CPT1A: variants seen among roughly 807,000 people sequenced by gnomAD.
The protein encoded by CPT1A is carnitine palmitoyltransferase 1A.
CPT1A carries 64 observed loss-of-function variants against 100.8 expected under a neutral mutation model. That is an observed-to-expected ratio of 0.63 (90% confidence interval 0.52 to 0.78). The LOEUF (loss-of-function observed/expected upper bound fraction) is 0.78. Ranked by LOEUF, CPT1A falls within the 30% of genes least tolerant of loss-of-function variation. The pLI is 0.00. For missense variants in CPT1A, 802 were observed against 1,034.1 expected, an observed-to-expected ratio of 0.78 and a Z score of 3.08; for synonymous variants, 363 against 396.0, an observed-to-expected ratio of 0.92 and a Z score of 0.99.
chr11:68,824,776 T>C (rs1226206610), intron 1 of CPT1A, among the ~76,000 whole-genome samples: 2 of 149,818 alleles, frequency 1.3e-5, no homozygotes, highest in Non-Finnish European at 3.0e-5. Flanking sequence ...CCTAACATAT[T>C]GCTACATGCA....
At chr11:68,759,744 C>T in intron 17 of CPT1A, 83 bp from the exon 18 acceptor site, 8 of 1,027,952 alleles carry the variant, frequency 7.8e-6, no homozygotes, top group South Asian at 7.8e-5. Context: ...AAATGCAACA[C>T]TGGCGGGGCT....
intron 1 of CPT1A, among the ~76,000 whole-genome samples, chr11:68,816,173 T>TCCACGAAGGAGC: frequency 6.6e-6 from 1 of 151,864 alleles, no homozygotes; most frequent in East Asian, 1.9e-4. Flanking sequence ...CACGCAGGAG[T>TCCACGAAGGAGC]CCACGAAGGA....
intron 2 of CPT1A, among the ~76,000 whole-genome samples, chr11:68,813,296 T>C (rs966315041): frequency 6.6e-6 from 1 of 151,912 alleles, no homozygotes; most frequent in African/African-American, 2.4e-5. Context: ...TTTGGGAGGC[T>C]GAGGCAGGCC....
chr11:68,829,110 G>A (rs11228372), intron 1 of CPT1A, among the ~76,000 whole-genome samples: 64,168 of 151,954 alleles, frequency 0.42, 15,725 homozygotes, highest in Admixed American at 0.6. Context: ...TACTGAGAAC[G>A]CCGGCACCTG....
At chr11:68,791,672 G>A (rs770290269) in intron 9 of CPT1A, among the ~76,000 whole-genome samples, 18 of 152,128 alleles carry the variant, frequency 1.2e-4, no homozygotes, top group Non-Finnish European at 2.6e-4. Context: ...AAGTAGCTGG[G>A]ATTACGGGTG....
At chr11:68,843,409 G>A (rs1857196318), upstream of CPT1A, among the ~76,000 whole-genome samples, 1 of 149,424 alleles carries the variant, frequency 6.7e-6, no homozygotes, top group African/African-American at 2.5e-5. This position sits in a 1 kb window ranked among gnomAD's most constrained non-coding sequence, Gnocchi z 4.0. Flanking sequence ...TGCGTTGGCC[G>A]TCGATGTACC....
In CPT1A at chr11:68,836,850, G is replaced by GGGAAGGAA. The variant is rs150561761; in HGVS notation, c.-14+4917_-14+4924dup. 6.2e-3 allele frequency among the ~76,000 whole-genome samples: 934 copies of GGGAAGGAA among 150,726 alleles called. 5 individuals are homozygous for GGGAAGGAA. The highest frequency in any genetic ancestry group is 0.017 in the African/African-American group (693 of 40,974). On this transcript the variant is annotated intron_variant, in intron 1 of 18. Coordinates refer to ENST00000265641, the MANE Select transcript of CPT1A (RefSeq NM_001876.4). ...GAAACAAAATCTCCAAGAAAAGAAA[G>GGGAAGGAA]GGAAGGAAGGAAGGAAGGAAGGAAG...
chr11:68,781,971 A>T lies in CPT1A; in HGVS notation c.1164-12T>A, dbSNP rs1855325049. The T allele has an allele frequency of 6.2e-7, 1 of 1,613,700 alleles. No individual in the cohort carries two copies. Reference sequence around the variant, plus strand: ...TGGCCCAGGGAACTCTGCAGTGAAGATGAAATACGATTAAAGGCAGCCCGA... The same window carrying T: ...TGGCCCAGGGAACTCTGCAGTGAAGTTGAAATACGATTAAAGGCAGCCCGA... On this transcript the variant is annotated splice_polypyrimidine_tract_variant and intron_variant, in intron 10 of 18. Transcript: ENST00000265641.
At chr11:68,797,850 T>C (rs4930612) in intron 6 of CPT1A, among the ~76,000 whole-genome samples, 143,308 of 152,044 alleles carry the variant, frequency 0.94, 67,751 homozygotes, top group Non-Finnish European at 0.98. Flanking sequence ...TGGTGGCGGG[T>C]GCCTGTAATC....
chr11:68,815,220 A>G (rs1856350572), intron 2 of CPT1A, 114 bp downstream of exon 2: 1 of 1,047,790 alleles, frequency 9.5e-7, no homozygotes, highest in African/African-American at 1.6e-5. Flanking sequence ...CCATGGAAAC[A>G]GGTAAGTGAT....
chr11:68,785,996 C>A, intron 9 of CPT1A: 1 of 702,284 alleles, frequency 1.4e-6, no homozygotes, highest in South Asian at 1.5e-5. Context: ...AAGCACTGCT[C>A]AGTGGGGATG....
chr11:68,785,950 G>A, intron 9 of CPT1A: 1 of 697,650 alleles, frequency 1.4e-6, no homozygotes, highest in Non-Finnish European at 2.6e-6. Flanking sequence ...ATGTGATGAA[G>A]TACGTTCACT....
chr11:68,825,582 GCCCAACCCAAC>G (rs1856703770), intron 1 of CPT1A, among the ~76,000 whole-genome samples: 1 of 152,146 alleles, frequency 6.6e-6, no homozygotes, highest in Non-Finnish European at 1.5e-5. Context: ...CCACCTGCTT[GCCCAACCCAAC>G]AGGATTTTTA....
At chr11:68,831,237 C>T (rs1391223151) in intron 1 of CPT1A, among the ~76,000 whole-genome samples, 3 of 152,170 alleles carry the variant, frequency 2.0e-5, no homozygotes, top group Non-Finnish European at 4.4e-5. Flanking sequence ...AGACACTCAA[C>T]ACAGGTCCCT....
Position 68,768,198 on chromosome 11 carries a change from C to T in CPT1A, c.1740+5067G>A, listed in dbSNP as rs559229888. 1.3e-3 allele frequency among the ~76,000 whole-genome samples: 190 copies of T among 151,218 alleles called. 1 individual carries two copies. The East Asian group carries it at 0.034, about 27-fold the overall frequency. The stretch of plus-strand genomic sequence containing the variant: ...TCACGCCATTCTCCTGCCTCAGCCT[C>T]CCGAGTAGCTGGGAGTACAGGCGCC... On this transcript the variant is annotated intron_variant, in intron 14 of 18. Coordinates refer to ENST00000265641, the MANE Select transcript of CPT1A (RefSeq NM_001876.4).
rs1316913723 is a variant in CPT1A at position 68,841,890 on chromosome 11, C to T, written c.-129G>A. ...AAGGAGGGCCGCGGGCGAGGCCGAG[C>T]GCACCCGACGCCGGCAGCAGCGGAT... On this transcript the variant is annotated 5_prime_UTR_variant, in exon 1 of 19. Transcript: ENST00000265641. The surrounding 1 kb of genome is among the most constrained non-coding windows in gnomAD (Gnocchi z 6.3). The T allele has an allele frequency of 5.0e-5, 49 of 985,862 alleles. No individual in the cohort carries two copies. The highest frequency in any genetic ancestry group is 5.8e-5 in the Non-Finnish European group (48 of 830,514). The allele number at this position is 985,862 out of a possible 1,614,324, so 61.1% of individuals were successfully genotyped here.
chr11:68,806,489 A>G (rs1308595854), intron 4 of CPT1A, among the ~76,000 whole-genome samples: 1 of 152,116 alleles, frequency 6.6e-6, no homozygotes, highest in Non-Finnish European at 1.5e-5. Context: ...TTAGTCAGCC[A>G]TGGTGGTGTA....
intron 12 of CPT1A, among the ~76,000 whole-genome samples, chr11:68,780,407 C>T (rs1489642831): frequency 6.6e-6 from 1 of 152,220 alleles, no homozygotes; most frequent in African/African-American, 2.4e-5. Context: ...CCTCAGCCTC[C>T]CAAGTAGCTG....
chr11:68,789,026 A>C (rs1855546965), intron 9 of CPT1A, among the ~76,000 whole-genome samples: 1 of 152,214 alleles, frequency 6.6e-6, no homozygotes, highest in African/African-American at 2.4e-5. Flanking sequence ...AAAGGAAAAC[A>C]GGAAAGAAAG....
Sources: gnomAD v4.1 joint callset for allele counts (sites outside exome capture counted in the v4.1 genomes callset) on GRCh38, gnomAD v4.1.1 for gene constraint, Gnocchi (gnomAD v3.1) non-coding constraint, MANE v1.5 for transcripts, NCBI Gene and HGNC (gene_info 2026-07-23, HGNC 2026-07-21) for gene names.